ZNF136: variants seen among roughly 807,000 people sequenced by gnomAD.
ZNF136 encodes zinc finger protein 136 (clone pHZ-20).
In ZNF136, 8 loss-of-function variants were observed where a neutral mutation model predicts 11.4. The ratio of observed to expected loss-of-function variants is 0.70; its 90% CI spans 0.41 to 1.27. ZNF136 has a LOEUF of 1.27. Among genes scored for constraint, ZNF136 ranks in the 50% most tolerant of loss-of-function variants. The probability of loss-of-function intolerance (pLI) is 0.01; values close to 1 mark genes in which losing one functional copy is unlikely to be tolerated. For synonymous variants in ZNF136, 190 were observed against 207.1 expected (o/e 0.92, Z 0.71); for missense variants, 590 against 656.5 (o/e 0.90, Z 1.11).
intron 2 of ZNF136, 72 bp downstream of exon 2, chr19:12,185,983 G>C: frequency 6.2e-7 from 1 of 1,607,164 alleles, no homozygotes; most frequent in Non-Finnish European, 8.5e-7. Context: ...GCTGTTCCAT[G>C]GTTTGCATCA....
At chr19:12,170,180 G>A (rs1030920913) in intron 1 of ZNF136, among the ~76,000 whole-genome samples, 3 of 151,660 alleles carry the variant, frequency 2.0e-5, no homozygotes, top group Admixed American at 6.6e-5. Context: ...CACCCACCTT[G>A]GCCTCCCAAA....
At chr19:12,186,262 C>A in intron 3 of ZNF136, 88 bp downstream of exon 3, 1 of 1,310,852 alleles carries the variant, frequency 7.6e-7, no homozygotes, top group Non-Finnish European at 1.0e-6. Context: ...AACTGATAAG[C>A]CAAGCTTCAA....
At chr19:12,173,300 CTT>C (rs1379967555) in intron 1 of ZNF136, among the ~76,000 whole-genome samples, 2 of 152,150 alleles carry the variant, frequency 1.3e-5, no homozygotes, top group Non-Finnish European at 2.9e-5. Context: ...AGTCCATACT[CTT>C]TTTGTCCAAT....
intron 1 of ZNF136, among the ~76,000 whole-genome samples, chr19:12,178,383 C>G (rs73921409): frequency 0.013 from 1,985 of 152,258 alleles, 29 homozygotes; most frequent in Middle Eastern, 0.041. Context: ...TCTGGTTTCA[C>G]CCAGAACTCT....
chr19:12,174,779 G>A (rs1408812456), intron 1 of ZNF136, among the ~76,000 whole-genome samples: 1 of 151,036 alleles, frequency 6.6e-6, no homozygotes, highest in East Asian at 1.9e-4. Flanking sequence ...GGGACCACAG[G>A]CGCCCACCAA....
chr19:12,184,005 G>A (rs555535384), intron 1 of ZNF136, among the ~76,000 whole-genome samples: 2 of 152,260 alleles, frequency 1.3e-5, no homozygotes, highest in East Asian at 1.9e-4. Flanking sequence ...GGTGGCTCAC[G>A]CCTGTAATCC....
At position 12,189,620 on chromosome 19, in the gene ZNF136, C is replaced by T. The variant is rs1342768675; in HGVS notation, c.*1619C>T. ...TCCACCCACCTCAGCCTCCTAAAGT[C>T]TGGGATTACACGTGTGAGCCATCAC... is the stretch of plus-strand genomic sequence containing the variant. On this transcript the variant is annotated 3_prime_UTR_variant, in exon 4 of 4. Transcript: ENST00000343979. The T allele has an allele frequency of 6.6e-6, 1 of 152,024 alleles. No individual in the cohort carries two copies. The highest frequency in any genetic ancestry group is 2.4e-5 in the African/African-American group (1 of 41,382). The allele number at this position is 152,024 out of a possible 1,614,324, so 9.4% of individuals were successfully genotyped here.
At chr19:12,163,829 T>C (rs1599449463) in intron 1 of ZNF136, 1 of 152,428 alleles carries the variant, frequency 6.6e-6, no homozygotes, top group African/African-American at 2.4e-5. Context: ...TTGTTTTCTG[T>C]TCATAGCCTT....
Position 12,186,655 on chromosome 19 carries a change from A to G in ZNF136, c.277A>G (p.Ser93Gly), listed in dbSNP as rs1323127933. ...IFSQFANQNL[S>G]KKIPGVKLCE... ...TAGCCAGTTTGCAAATCAGAATCTGAGCAAGAAAATCCCTGGAGTGAAACT... is the reference window on the plus strand; with the variant it reads ...TAGCCAGTTTGCAAATCAGAATCTGGGCAAGAAAATCCCTGGAGTGAAACT... The change falls in exon 4 of 4, where the codon AGC (serine) becomes GGC (glycine). Residue 93 changes from serine (S) to glycine (G), a missense_variant. By Grantham distance (56) the Ser-to-Gly change is moderately conservative. Transcript: ENST00000343979. 1 of 1,614,178 alleles carries G rather than the reference A, an allele frequency of 6.2e-7. No homozygotes were observed. Among genetic ancestry groups the G allele is most frequent in the Admixed American group, 1.7e-5 (1 of 60,018 alleles).
chr19:12,188,305 C>CA lies in ZNF136; in HGVS notation c.*305dup, dbSNP rs1915172111. The CA allele has an allele frequency of 4.3e-6, 1 of 234,862 alleles. No individual in the cohort carries two copies. The highest frequency in any genetic ancestry group is 8.3e-6 in the Non-Finnish European group (1 of 121,104). 14.5% of individuals were successfully genotyped at this position (234,862 alleles called of 1,614,324 possible). A position where few individuals can be genotyped will look rare whatever the true frequency, so the allele number is the denominator to read the frequency against. On this transcript the variant is annotated 3_prime_UTR_variant, in exon 4 of 4. Transcript: ENST00000343979. ...GTTTTGTCATCACACAACCCTGTCA[C>CA]ACATGAATGTGTAGTGGAGAGAACC...
At position 12,187,684 on chromosome 19, in the gene ZNF136, C is replaced by G; in HGVS notation, c.1306C>G (p.Arg436Gly). 1.2e-6 allele frequency: 2 copies of G among 1,613,986 alleles called. No homozygotes were observed. Among genetic ancestry groups the G allele is most frequent in the Non-Finnish European group, 1.7e-6 (2 of 1,179,996 alleles). Reference sequence around the variant, plus strand: ...AGCTTTCGTTTCTTCAACATCAATTCGAATACATGAAAGAACTCATACTGG... The same window carrying G: ...AGCTTTCGTTTCTTCAACATCAATTGGAATACATGAAAGAACTCATACTGG... ...GKAFVSSTSI[R>G]IHERTHTGEK... Residue 436 changes from arginine to glycine, a missense_variant, in exon 4 of 4, where the codon CGA (arginine) becomes GGA (glycine). Coordinates refer to ENST00000343979, the MANE Select transcript of ZNF136 (RefSeq NM_003437.5).
Position 12,163,102 on chromosome 19 carries a change from C to A in ZNF136, c.-102C>A. Reference sequence around the variant, plus strand: ...CCGTACTTGGTTTCGCTTCGCTAGTCCCAGAGGCCCAGAGTGGCTCGCCTG... The same window carrying A: ...CCGTACTTGGTTTCGCTTCGCTAGTACCAGAGGCCCAGAGTGGCTCGCCTG... On this transcript the variant is annotated 5_prime_UTR_variant, in exon 1 of 4. Coordinates refer to ENST00000343979, the MANE Select transcript of ZNF136 (RefSeq NM_003437.5). 1 of 1,299,292 alleles carries A rather than the reference C, an allele frequency of 7.7e-7. No individual in the cohort carries two copies. The highest frequency in any genetic ancestry group is 1.0e-6 in the Non-Finnish European group (1 of 997,178). The allele number at this position is 1,299,292 out of a possible 1,614,324, so 80.5% of individuals were successfully genotyped here. A position where few individuals can be genotyped will look rare whatever the true frequency, so the allele number is the denominator to read the frequency against.
At chr19:12,172,639 G>A (rs1025457327) in intron 1 of ZNF136, among the ~76,000 whole-genome samples, 1 of 152,318 alleles carries the variant, frequency 6.6e-6, no homozygotes, top group East Asian at 1.9e-4. Flanking sequence ...TAGTAGTCAG[G>A]TGTGTCAGTT....
rs1915168825 is a variant in ZNF136 at position 12,188,218 on chromosome 19, C to T, written c.*217C>T. The T allele has an allele frequency of 2.4e-6, 1 of 413,882 alleles. No homozygotes were observed. The allele number at this position is 413,882 out of a possible 1,614,324, so 25.6% of individuals were successfully genotyped here. ...AGAACTCATCATGGAGAAAACCAAA[C>T]AAATGCTTTTTGGAAAGGAACCCAT... is the stretch of plus-strand genomic sequence containing the variant. On this transcript the variant is annotated 3_prime_UTR_variant, in exon 4 of 4. Coordinates refer to ENST00000343979, the MANE Select transcript of ZNF136 (RefSeq NM_003437.5).
At chr19:12,172,869 G>C (rs1479297146) in intron 1 of ZNF136, among the ~76,000 whole-genome samples, 1 of 152,100 alleles carries the variant, frequency 6.6e-6, no homozygotes, top group African/African-American at 2.4e-5. Flanking sequence ...AAAATGAGCT[G>C]GGTGTGATGG....
chr19:12,179,131 T>C (rs1390670876), intron 1 of ZNF136, among the ~76,000 whole-genome samples: 1 of 152,156 alleles, frequency 6.6e-6, no homozygotes. Flanking sequence ...ACAAGAATTA[T>C]TTCTCATTCA....
In ZNF136 at chr19:12,176,707, A is replaced by G. The variant is rs184207507; in HGVS notation, c.4-9078A>G. Among the ~76,000 whole-genome samples the G allele has an allele frequency of 3.9e-5, 6 of 152,280 alleles. No homozygotes were observed. In the East Asian group the frequency reaches 9.7e-4, roughly 24 times the overall value. On this transcript the variant is annotated intron_variant, in intron 1 of 3. Coordinates refer to ENST00000343979, the MANE Select transcript of ZNF136 (RefSeq NM_003437.5). ...TAAACAGAGCTGAACAAATAACCCT[A>G]TCTGCCTGAAGCAGGGTGGGAGACA... is the stretch of plus-strand genomic sequence containing the variant.
intron 1 of ZNF136, among the ~76,000 whole-genome samples, chr19:12,167,227 A>T (rs1281457291): frequency 1.3e-5 from 2 of 152,234 alleles, no homozygotes; most frequent in African/African-American, 4.8e-5. Context: ...ATTTTGGAGT[A>T]ATTATCTACA....
intron 1 of ZNF136, among the ~76,000 whole-genome samples, chr19:12,178,445 A>C (rs562338295): frequency 6.6e-6 from 1 of 152,200 alleles, no homozygotes; most frequent in Admixed American, 6.6e-5. Flanking sequence ...GGTCTTTCCT[A>C]TTATTCACAG....
Sources: gnomAD v4.1 joint callset for allele counts (sites outside exome capture counted in the v4.1 genomes callset) on GRCh38, gnomAD v4.1.1 for gene constraint, MANE v1.5 for transcripts, NCBI Gene and HGNC (gene_info 2026-07-23, HGNC 2026-07-21) for gene names.